The following WWOX variants were observed in gnomAD, a reference collection of about 807,000 sequenced individuals.
The protein encoded by WWOX is WW domain-containing oxidoreductase.
WWOX carries 69 observed loss-of-function variants against 46.2 expected under a neutral mutation model. The ratio of observed to expected loss-of-function variants is 1.49; its 90% CI spans 1.23 to 1.82. The LOEUF is 1.82. WWOX is among the 40% of genes most tolerant of loss of function. The probability of loss-of-function intolerance (pLI) is 0.00; values close to 1 mark genes in which losing one functional copy is unlikely to be tolerated. For synonymous variants in WWOX, 359 were observed against 202.6 expected (o/e 1.77, Z -6.56); for missense variants, 919 against 542.6 (o/e 1.69, Z -6.89).
intron 8 of WWOX, among the ~76,000 whole-genome samples, chr16:78,642,399 C>T (rs1054474732): frequency 7.2e-5 from 11 of 152,152 alleles, no homozygotes; most frequent in African/African-American, 2.7e-4. Context: ...TGCTCAAAGT[C>T]TCTCTCCTTG....
At chr16:78,584,232 C>T (rs947006558) in intron 8 of WWOX, among the ~76,000 whole-genome samples, 2 of 152,132 alleles carry the variant, frequency 1.3e-5, no homozygotes, top group African/African-American at 4.8e-5. Context: ...TATTTATTGC[C>T]ATATACAGTT....
At chr16:78,641,679 C>T (rs1362625866) in intron 8 of WWOX, among the ~76,000 whole-genome samples, 1 of 152,152 alleles carries the variant, frequency 6.6e-6, no homozygotes, top group Non-Finnish European at 1.5e-5. Flanking sequence ...CCGCAGATTG[C>T]CAGTGACTCC....
chr16:78,989,998 C>T (rs1567464468), intron 8 of WWOX, among the ~76,000 whole-genome samples: 1 of 151,896 alleles, frequency 6.6e-6, no homozygotes, highest in South Asian at 2.1e-4. Context: ...GCCTGGGCAA[C>T]ACGGCAAAGC....
At chr16:78,539,575 G>C (rs2043838394) in intron 8 of WWOX, among the ~76,000 whole-genome samples, 1 of 152,220 alleles carries the variant, frequency 6.6e-6, no homozygotes, top group African/African-American at 2.4e-5. Flanking sequence ...TCATTGTAGA[G>C]TGCACACATG....
chr16:78,354,768 T>A (rs190409621), intron 5 of WWOX, among the ~76,000 whole-genome samples: 13 of 152,326 alleles, frequency 8.5e-5, no homozygotes, highest in Non-Finnish European at 1.9e-4. Context: ...TTTTCATGTT[T>A]TTGGGTTTTT....
At chr16:78,917,723 G>C (rs951941478) in intron 8 of WWOX, among the ~76,000 whole-genome samples, 1 of 151,800 alleles carries the variant, frequency 6.6e-6, no homozygotes, top group African/African-American at 2.4e-5. Flanking sequence ...TCCTGTTTTT[G>C]GTAGTGCCTC....
chr16:78,388,933 C>T (rs534173996), intron 6 of WWOX, among the ~76,000 whole-genome samples: 71 of 150,278 alleles, frequency 4.7e-4, no homozygotes, highest in Non-Finnish European at 8.7e-4. Flanking sequence ...TGAACCAGTG[C>T]ACTCCAGCCC....
At chr16:78,371,413 C>T (rs1597117620) in intron 5 of WWOX, among the ~76,000 whole-genome samples, 1 of 152,170 alleles carries the variant, frequency 6.6e-6, no homozygotes, top group South Asian at 2.1e-4. Flanking sequence ...TGGTTAACTT[C>T]AATAACGTAT....
intron 8 of WWOX, among the ~76,000 whole-genome samples, chr16:79,137,014 C>T (rs1457007189): frequency 1.3e-5 from 2 of 152,100 alleles, no homozygotes; most frequent in South Asian, 2.1e-4. Context: ...TGAGAGGAGG[C>T]TATTGTGATG....
chr16:78,914,237 TATTC>T lies in WWOX; in HGVS notation c.1057-297359_1057-297356del, dbSNP rs560073282. ...GATATTTTCTGTCTATCCATCCGTC[TATTC>T]ATTCATTCATTGCTAATTTATTAGT... is the stretch of plus-strand genomic sequence containing the variant. On this transcript the variant is annotated intron_variant, in intron 8 of 8. Transcript: ENST00000566780. Among the ~76,000 whole-genome samples the T allele has an allele frequency of 6.4e-3, 967 of 152,190 alleles. 8 individuals carry two copies. The highest frequency in any genetic ancestry group is 0.022 in the African/African-American group (929 of 41,560).
chr16:78,597,347 A>G (rs1412661479), intron 8 of WWOX, among the ~76,000 whole-genome samples: 1 of 152,100 alleles, frequency 6.6e-6, no homozygotes, highest in Admixed American at 6.5e-5. Flanking sequence ...GGCCATATGC[A>G]CTGCTGATTC....
At chr16:78,961,468 G>A (rs1317161224) in intron 8 of WWOX, among the ~76,000 whole-genome samples, 1 of 152,036 alleles carries the variant, frequency 6.6e-6, no homozygotes, top group African/African-American at 2.4e-5. Context: ...TGGATGGATG[G>A]ATGGATGGAT....
intron 8 of WWOX, among the ~76,000 whole-genome samples, chr16:78,836,665 G>A (rs1033760516): frequency 3.3e-5 from 5 of 152,270 alleles, no homozygotes; most frequent in Admixed American, 6.5e-5. Flanking sequence ...GGCCATTTGC[G>A]GGGTGTAGAA....
At chr16:78,772,925 G>A (rs370607617) in intron 8 of WWOX, among the ~76,000 whole-genome samples, 3 of 152,138 alleles carry the variant, frequency 2.0e-5, no homozygotes, top group African/African-American at 4.8e-5. Context: ...CTCAGGAGGT[G>A]GAGGTGGGAG....
chr16:78,990,641 A>G (rs1244069453), intron 8 of WWOX, among the ~76,000 whole-genome samples: 1 of 152,178 alleles, frequency 6.6e-6, no homozygotes, highest in Admixed American at 6.5e-5. Context: ...GATAAAGTAA[A>G]ATGAAAGAAG....
intron 8 of WWOX, among the ~76,000 whole-genome samples, chr16:78,607,991 C>T (rs2045802914): frequency 1.3e-5 from 2 of 152,104 alleles, no homozygotes; most frequent in Non-Finnish European, 2.9e-5. Context: ...TAAATACCTA[C>T]AAAACATAAT....
chr16:78,285,838 A>G (rs568487436), intron 5 of WWOX, among the ~76,000 whole-genome samples: 48 of 152,292 alleles, frequency 3.2e-4, no homozygotes, highest in Non-Finnish European at 4.6e-4. Flanking sequence ...AGTATTTAAT[A>G]TCTGTGTTTT....
At position 78,595,616 on chromosome 16, in the gene WWOX, GC is replaced by G. The variant is rs576707533; in HGVS notation, c.1056+162870del. Among the ~76,000 whole-genome samples, 5 of 152,310 alleles carry G rather than the reference GC, an allele frequency of 3.3e-5. 1 individual carries two copies. The highest frequency in any genetic ancestry group is 4.1e-4 in the South Asian group (2 of 4,820). On this transcript the variant is annotated intron_variant, in intron 8 of 8. Coordinates refer to ENST00000566780, the MANE Select transcript of WWOX (RefSeq NM_016373.4). ...TAAGATAGGGCAGGCAGGGCCACCT[GC>G]CCCCCAGCTGACCAGTGTGGATGTC...
chr16:78,103,337 C>G (rs1210182810), intron 1 of WWOX, among the ~76,000 whole-genome samples: 1 of 151,650 alleles, frequency 6.6e-6, no homozygotes, highest in East Asian at 1.9e-4. Flanking sequence ...AAACCTGTGC[C>G]ATGGTGACTT....
Sources: gnomAD v4.1 joint callset for allele counts (sites outside exome capture counted in the v4.1 genomes callset) on GRCh38, gnomAD v4.1.1 for gene constraint, MANE v1.5 for transcripts, NCBI Gene and HGNC (gene_info 2026-07-23, HGNC 2026-07-21) for gene names.